UBE2D1: variants seen among roughly 807,000 people sequenced by gnomAD.
UBE2D1 encodes ubiquitin-conjugating enzyme E2 D1.
A neutral mutation model predicts 24.6 loss-of-function variants in UBE2D1; 9 were observed. That is an observed-to-expected ratio of 0.37 (90% CI 0.22 to 0.64). The LOEUF (loss-of-function observed/expected upper bound fraction) is 0.64, where lower values mean the gene tolerates loss of function less well. Among genes scored for constraint, UBE2D1 ranks in the 30% least tolerant of loss-of-function variants. The pLI is 0.64. For synonymous variants in UBE2D1, 57 were observed against 57.6 expected (o/e 0.99, Z 0.04); for missense variants, 87 against 177.1 (o/e 0.49, Z 2.89).
chr10:58,359,615 C>T (rs573881095), intron 1 of UBE2D1, among the ~76,000 whole-genome samples: 88 of 152,298 alleles, frequency 5.8e-4, no homozygotes, highest in South Asian at 4.1e-4. Flanking sequence ...CATCCACATT[C>T]GTACATTTGT....
chr10:58,361,575 T>A, intron 3 of UBE2D1, 49 bp downstream of exon 3: 1 of 1,609,514 alleles, frequency 6.2e-7, no homozygotes, highest in Non-Finnish European at 8.5e-7. Context: ...CCATACTTCA[T>A]TCTTGCCATT....
chr10:58,366,594 T>C (rs964763050), intron 5 of UBE2D1, among the ~76,000 whole-genome samples: 1 of 152,144 alleles, frequency 6.6e-6, no homozygotes, highest in Non-Finnish European at 1.5e-5. Flanking sequence ...ATTTTTAATT[T>C]GTTTATCTTA....
intron 1 of UBE2D1, among the ~76,000 whole-genome samples, chr10:58,351,407 T>G (rs1588999529): frequency 6.6e-6 from 1 of 152,184 alleles, no homozygotes; most frequent in South Asian, 2.1e-4. Flanking sequence ...TTTTTTCACA[T>G]TTTTTTCACT....
At chr10:58,361,879 A>G (rs1242984436) in intron 3 of UBE2D1, among the ~76,000 whole-genome samples, 2 of 151,820 alleles carry the variant, frequency 1.3e-5, no homozygotes, top group African/African-American at 4.8e-5. Context: ...GGTAGGTTAG[A>G]AATTAGTCTA....
intron 1 of UBE2D1, among the ~76,000 whole-genome samples, chr10:58,359,499 C>G (rs1226947099): frequency 1.3e-5 from 2 of 152,152 alleles, no homozygotes; most frequent in African/African-American, 4.8e-5. Context: ...AGGTCCACCC[C>G]TGTATGTTGA....
intron 1 of UBE2D1, among the ~76,000 whole-genome samples, chr10:58,341,455 GTCTT>G (rs1190328437): frequency 6.6e-5 from 10 of 152,062 alleles, no homozygotes; most frequent in African/African-American, 2.4e-4. Flanking sequence ...ATTAAGCTCA[GTCTT>G]TCTTTTGTCC....
chr10:58,356,632 T>C lies in UBE2D1; in HGVS notation c.25-4706T>C, dbSNP rs1840133943. Among the ~76,000 whole-genome samples, 4 of 152,166 alleles carry C rather than the reference T, an allele frequency of 2.6e-5. No individual in the cohort carries two copies. In the South Asian group the frequency reaches 8.3e-4, roughly 32 times the overall value. ...CAGAGACCATATCCATTTTCTACTT[T>C]TGCAGTTATTACCAAATTTCCCTCC... On this transcript the variant is annotated intron_variant, in intron 1 of 6. Coordinates refer to ENST00000373910, the MANE Select transcript of UBE2D1 (RefSeq NM_003338.5).
chr10:58,367,655 A>T (rs1840271277), intron 5 of UBE2D1, among the ~76,000 whole-genome samples: 1 of 152,098 alleles, frequency 6.6e-6, no homozygotes, highest in African/African-American at 2.4e-5. Context: ...GGAGGGTCAC[A>T]TTTTTTTAAA....
chr10:58,363,707 G>T, intron 4 of UBE2D1, 21 bp downstream of exon 4: 1 of 1,521,718 alleles, frequency 6.6e-7, no homozygotes, highest in South Asian at 1.1e-5. Flanking sequence ...TTTTATGATT[G>T]ATGTGACTCC....
chr10:58,361,766 C>T (rs945944134), intron 3 of UBE2D1, among the ~76,000 whole-genome samples: 7 of 151,534 alleles, frequency 4.6e-5, no homozygotes, highest in African/African-American at 1.7e-4. Flanking sequence ...AATGGAGTGC[C>T]ACAGCTCGCA....
At chr10:58,360,606 C>T (rs1299319522) in intron 1 of UBE2D1, among the ~76,000 whole-genome samples, 1 of 152,130 alleles carries the variant, frequency 6.6e-6, no homozygotes, top group Non-Finnish European at 1.5e-5. Flanking sequence ...GACTGCTGCT[C>T]GTTTATTTCC....
At chr10:58,344,619 G>A (rs1302370243) in intron 1 of UBE2D1, among the ~76,000 whole-genome samples, 1 of 151,870 alleles carries the variant, frequency 6.6e-6, no homozygotes, top group Admixed American at 6.6e-5. Flanking sequence ...TGAAATATCA[G>A]ATTTGAAATA....
At chr10:58,335,652 CGG>C (rs1470615578) in intron 1 of UBE2D1, among the ~76,000 whole-genome samples, 1 of 152,196 alleles carries the variant, frequency 6.6e-6, no homozygotes, top group African/African-American at 2.4e-5. Context: ...CCGGCCTCCC[CGG>C]GAGGGCAAGG....
intron 1 of UBE2D1, among the ~76,000 whole-genome samples, chr10:58,346,642 TG>T (rs1222849174): frequency 6.6e-6 from 1 of 152,140 alleles, no homozygotes; most frequent in Non-Finnish European, 1.5e-5. Context: ...CAGAGAGCAC[TG>T]GGGAAAAGTG....
In UBE2D1 at chr10:58,368,873, T is replaced by G. The variant is rs1840285612; in HGVS notation, c.*108T>G. 1 of 661,806 alleles carries G rather than the reference T, an allele frequency of 1.5e-6. No individual in the cohort carries two copies. The highest frequency in any genetic ancestry group is 1.9e-5 in the African/African-American group (1 of 52,940). 41.0% of individuals were successfully genotyped at this position (661,806 alleles called of 1,614,324 possible). ...ACTGTTTCATTGTACCATGAAACCA[T>G]TTGATTTTTACCCATTTTAAATGTG... On this transcript the variant is annotated 3_prime_UTR_variant, in exon 7 of 7. Coordinates refer to ENST00000373910, the MANE Select transcript of UBE2D1 (RefSeq NM_003338.5).
At position 58,370,731 on chromosome 10, in the gene UBE2D1, T is replaced by C; in HGVS notation, c.*1966T>C. The C allele has an allele frequency of 6.6e-6, 1 of 152,426 alleles. No homozygotes were observed. The allele number at this position is 152,426 out of a possible 1,614,324, so 9.4% of individuals were successfully genotyped here. ...GAAGTGTCTTCTTTTTTTTCTTTAT[T>C]AAAGTTTTTGAAACTTGCCTAACTT... On this transcript the variant is annotated 3_prime_UTR_variant, in exon 7 of 7. Transcript: ENST00000373910.
At chr10:58,359,263 TA>T (rs1840168341) in intron 1 of UBE2D1, among the ~76,000 whole-genome samples, 1 of 152,198 alleles carries the variant, frequency 6.6e-6, no homozygotes, top group Admixed American at 6.5e-5. Flanking sequence ...TTAACTTTTC[TA>T]AAGTGTGGAT....
intron 1 of UBE2D1, among the ~76,000 whole-genome samples, chr10:58,338,595 C>A (rs955861338): frequency 2.0e-5 from 3 of 152,008 alleles, no homozygotes; most frequent in Non-Finnish European, 4.4e-5. Flanking sequence ...ACTTGAAACA[C>A]TTTTTTTGGG....
At chr10:58,352,153 A>G (rs7907725) in intron 1 of UBE2D1, among the ~76,000 whole-genome samples, 7,378 of 152,134 alleles carry the variant, frequency 0.048, 347 homozygotes, top group African/African-American at 0.12. Context: ...ACATTGTCAC[A>G]GTAGCTAAAG....
Sources: allele counts gnomAD v4.1 joint callset (sites outside exome capture counted in the v4.1 genomes callset), GRCh38; gene constraint gnomAD v4.1.1; transcripts MANE v1.5; gene names NCBI Gene and HGNC (gene_info 2026-07-23, HGNC 2026-07-21).